The following CMSS1 variants were observed in gnomAD, a reference collection of about 807,000 sequenced individuals.
CMSS1 encodes cms1 ribosomal small subunit homolog.
A neutral mutation model predicts 43.5 loss-of-function variants in CMSS1; 33 were observed. The observed-to-expected ratio is 0.76, with a 90% CI of 0.57 to 1.01. The LOEUF is 1.01. Ranked by LOEUF, CMSS1 falls within the 50% of genes least tolerant of loss-of-function variation. The pLI is 0.00. For synonymous variants in CMSS1, 115 were observed against 117.2 expected (o/e 0.98, Z 0.12); for missense variants, 313 against 326.4 (o/e 0.96, Z 0.32).
rs6801288 is a variant in CMSS1, at chr3:100,105,741, A to G, written c.65-41232A>G. ...GCAATCCCAGGAGACATTTCAGAAGATCAGTTTCCTTTTTAGAAGCCCATG... is the reference window on the plus strand; with the variant it reads ...GCAATCCCAGGAGACATTTCAGAAGGTCAGTTTCCTTTTTAGAAGCCCATG... On this transcript the variant is annotated intron_variant, in intron 1 of 9. Transcript: ENST00000421999. Among the ~76,000 whole-genome samples, 693 of 152,278 alleles carry G rather than the reference A, an allele frequency of 4.6e-3. 7 individuals are homozygous for G. The highest frequency in any genetic ancestry group is 0.016 in the African/African-American group (678 of 41,562).
chr3:100,086,817 C>A lies in CMSS1; in HGVS notation c.65-60156C>A, dbSNP rs76646324. On this transcript the variant is annotated intron_variant, in intron 1 of 9. Transcript: ENST00000421999. The stretch of plus-strand genomic sequence containing the variant: ...TCACCACCATAATCAAAATGCAAAG[C>A]ACTTCCATCACCCCCAGAAATCCTT... Among the ~76,000 whole-genome samples the A allele has an allele frequency of 4.5e-3, 678 of 152,296 alleles. 7 individuals carry two copies. Among genetic ancestry groups the A allele is most frequent in the African/African-American group, 0.016 (664 of 41,570 alleles).
At chr3:100,013,539 C>T (rs1362912780) in intron 1 of CMSS1, among the ~76,000 whole-genome samples, 3 of 152,058 alleles carry the variant, frequency 2.0e-5, no homozygotes, top group Admixed American at 6.6e-5. Context: ...CCACCACACT[C>T]GGCTGGCCAG....
intron 1 of CMSS1, among the ~76,000 whole-genome samples, chr3:99,901,630 G>C (rs568472625): frequency 6.6e-6 from 1 of 152,286 alleles, no homozygotes; most frequent in African/African-American, 2.4e-5. Context: ...TCAGCGATGT[G>C]TATTCTAAAG....
intron 1 of CMSS1, among the ~76,000 whole-genome samples, chr3:99,994,245 A>G (rs1709606739): frequency 6.6e-6 from 1 of 152,224 alleles, no homozygotes; most frequent in Admixed American, 6.5e-5. Flanking sequence ...AACAAAGATT[A>G]CTAGACCTAA....
intron 1 of CMSS1, among the ~76,000 whole-genome samples, chr3:99,847,277 T>TA (rs998183985): frequency 1.3e-5 from 2 of 150,318 alleles, no homozygotes; most frequent in Non-Finnish European, 3.0e-5. Context: ...ACAGGGTAGG[T>TA]AGCACCTACA....
At chr3:100,147,156 T>G in intron 2 of CMSS1, 95 bp downstream of exon 2, 8 of 1,344,610 alleles carry the variant, frequency 5.9e-6, no homozygotes, top group African/African-American at 1.4e-5. Context: ...ATATCGGTTG[T>G]TGGTGGGATT....
intron 1 of CMSS1, among the ~76,000 whole-genome samples, chr3:100,124,564 C>T (rs563063922): frequency 2.6e-4 from 39 of 152,308 alleles, no homozygotes; most frequent in African/African-American, 9.1e-4. Flanking sequence ...TGATTAGGAG[C>T]CTGCAGCAAA....
chr3:100,075,862 C>T (rs1219375008), intron 1 of CMSS1, among the ~76,000 whole-genome samples: 4 of 152,218 alleles, frequency 2.6e-5, no homozygotes, highest in African/African-American at 9.7e-5. Context: ...TTAAACTCTA[C>T]AAGCTTCTTG....
At chr3:100,162,492 T>G (rs2067033087) in intron 4 of CMSS1, 60 bp downstream of exon 4, 1 of 1,555,722 alleles carries the variant, frequency 6.4e-7, no homozygotes, top group Admixed American at 1.8e-5. Flanking sequence ...TCTGTTATGG[T>G]TAGGTGTCTC....
chr3:100,107,829 A>C (rs1471365180), intron 1 of CMSS1, among the ~76,000 whole-genome samples: 1 of 151,788 alleles, frequency 6.6e-6, no homozygotes, highest in Non-Finnish European at 1.5e-5. Context: ...TGATTATGGA[A>C]TCTTCATTAC....
At chr3:100,007,131 G>A (rs1310072425) in intron 1 of CMSS1, among the ~76,000 whole-genome samples, 3 of 151,940 alleles carry the variant, frequency 2.0e-5, no homozygotes, top group Non-Finnish European at 4.4e-5. Context: ...TTAGCCTATT[G>A]GTAAATGTTT....
intron 1 of CMSS1, among the ~76,000 whole-genome samples, chr3:100,117,693 T>C (rs1190837444): frequency 1.3e-5 from 2 of 150,616 alleles, no homozygotes; most frequent in African/African-American, 4.9e-5. Context: ...TAATAATGTG[T>C]ATATTGATTA....
At chr3:100,143,726 C>G (rs1362803913) in intron 1 of CMSS1, among the ~76,000 whole-genome samples, 1 of 152,130 alleles carries the variant, frequency 6.6e-6, no homozygotes, top group Non-Finnish European at 1.5e-5. Context: ...TGTACTTCTA[C>G]AAAGCATGGA....
intron 1 of CMSS1, chr3:100,040,235 A>G (rs1453153822): frequency 6.6e-6 from 1 of 152,182 alleles, no homozygotes; most frequent in Non-Finnish European, 1.5e-5. Flanking sequence ...AAGATTAAAC[A>G]AAGAGTTCTC....
At chr3:99,906,198 C>G (rs1463777467) in intron 1 of CMSS1, among the ~76,000 whole-genome samples, 6 of 152,100 alleles carry the variant, frequency 3.9e-5, no homozygotes. Context: ...GACCTTGTCT[C>G]TAAATAAGTA....
chr3:99,923,954 A>C (rs1314520955), intron 1 of CMSS1, among the ~76,000 whole-genome samples: 1 of 152,186 alleles, frequency 6.6e-6, no homozygotes, highest in African/African-American at 2.4e-5. Flanking sequence ...TTGCCTAGGG[A>C]CTAGACCCCT....
intron 4 of CMSS1, among the ~76,000 whole-genome samples, chr3:100,164,218 A>G (rs1367011871): frequency 2.0e-5 from 3 of 152,208 alleles, no homozygotes; most frequent in Admixed American, 2.0e-4. Context: ...AACTATTCTA[A>G]CAAAACCACT....
intron 1 of CMSS1, among the ~76,000 whole-genome samples, chr3:99,970,398 A>C (rs1239801173): frequency 6.6e-6 from 1 of 152,226 alleles, no homozygotes; most frequent in East Asian, 1.9e-4. Context: ...AATAACTGAG[A>C]TAAATGCTGT....
intron 1 of CMSS1, among the ~76,000 whole-genome samples, chr3:100,107,657 T>C (rs546215457): frequency 1.3e-5 from 2 of 152,246 alleles, no homozygotes; most frequent in South Asian, 2.1e-4. Context: ...AAAGGAGTAA[T>C]TTAACGCTCT....
Sources: gnomAD v4.1 joint callset for allele counts (sites outside exome capture counted in the v4.1 genomes callset) on GRCh38, gnomAD v4.1.1 for gene constraint, MANE v1.5 for transcripts, NCBI Gene and HGNC (gene_info 2026-07-23, HGNC 2026-07-21) for gene names.